The following LRRFIP1 variants were observed in gnomAD, a reference collection of about 807,000 sequenced individuals.
LRRFIP1 encodes the protein LRR binding FLII interacting protein 1.
Under a neutral mutation model 104.4 loss-of-function variants are expected in LRRFIP1, and 62 were observed. The ratio of observed to expected loss-of-function variants is 0.59; its 90% confidence interval spans 0.48 to 0.73. LRRFIP1 has a LOEUF of 0.73. Among genes scored for constraint, LRRFIP1 ranks in the 30% least tolerant of loss-of-function variants. The pLI, the probability that LRRFIP1 is intolerant of heterozygous loss-of-function variation, is 0.00. For missense variants in LRRFIP1, 796 were observed against 824.5 expected (o/e 0.97, Z 0.42); for synonymous variants, 300 against 299.0 (o/e 1.00, Z -0.03).
At chr2:237,764,440 T>C in intron 19 of LRRFIP1, 2 of 1,290,126 alleles carry the variant, frequency 1.6e-6, no homozygotes, top group Non-Finnish European at 2.0e-6. Flanking sequence ...AATAGAGGCA[T>C]TTACTATTTG....
rs1202162502 is a variant in LRRFIP1, at chr2:237,760,113, C to G, written c.1367C>G (p.Ser456Cys). ...GAAATAGCTACCAATGGAGAGACTT[C>G]CGACACCCTCAATAATGTTGGATAC... ...NSEIATNGET[S>C]DTLNNVGYQG... The change falls in exon 19 of 24, where the codon TCC becomes TGC. Residue 456 changes from serine to cysteine, a missense_variant. By Grantham distance (112) the Ser-to-Cys change is moderately radical. Coordinates refer to ENST00000308482, the MANE Select transcript of LRRFIP1 (RefSeq NM_001137550.2). 10 of 1,613,734 alleles carry G rather than the reference C, an allele frequency of 6.2e-6. No homozygotes were observed. The highest frequency in any genetic ancestry group is 1.6e-4 in the Middle Eastern group (1 of 6,078).
At chr2:237,778,002 C>CT (rs2061237206) in intron 23 of LRRFIP1, among the ~76,000 whole-genome samples, 1 of 152,148 alleles carries the variant, frequency 6.6e-6, no homozygotes, top group Non-Finnish European at 1.5e-5. Context: ...TGTATGTCCT[C>CT]TTTTTAAATT....
Position 237,729,901 on chromosome 2 carries a change from C to T in LRRFIP1, c.444+1966C>T, listed in dbSNP as rs75658520. The T allele has an allele frequency of 1.9e-3, 1,537 of 807,970 alleles. 16 individuals are homozygous for T. The African/African-American group carries it at 0.026, about 13-fold the overall frequency. 50.1% of individuals were successfully genotyped at this position (807,970 alleles called of 1,614,324 possible). A position where few individuals can be genotyped will look rare whatever the true frequency, so the allele number is the denominator to read the frequency against. ...CAGAAACCGCAGATTTTGTAGCATG[C>T]AATCTTGTGTGTGTGGATTCAGCTC... On this transcript the variant is annotated intron_variant, in intron 8 of 23. Coordinates refer to ENST00000308482, the MANE Select transcript of LRRFIP1 (RefSeq NM_001137550.2).
chr2:237,666,007 G>A (rs540287348), intron 1 of LRRFIP1, among the ~76,000 whole-genome samples: 14 of 152,330 alleles, frequency 9.2e-5, no homozygotes, highest in Admixed American at 6.5e-4. Flanking sequence ...CGTCCCCCTC[G>A]GTCCTGTTCA....
chr2:237,775,958 GATTTT>G (rs1286345592), intron 23 of LRRFIP1, among the ~76,000 whole-genome samples: 1 of 151,218 alleles, frequency 6.6e-6, no homozygotes, highest in Admixed American at 6.6e-5. Context: ...TATTTTATTT[GATTTT>G]ATTTTATTTA....
At chr2:237,744,655 G>A (rs1397068637) in intron 11 of LRRFIP1, among the ~76,000 whole-genome samples, 2 of 152,244 alleles carry the variant, frequency 1.3e-5, no homozygotes, top group African/African-American at 4.8e-5. Context: ...ACTGTTTCCA[G>A]TAGATTTTCA....
intron 1 of LRRFIP1, among the ~76,000 whole-genome samples, chr2:237,631,649 A>G (rs10177975): frequency 0.043 from 6,525 of 152,220 alleles, 478 homozygotes; most frequent in African/African-American, 0.14. Context: ...CTCCTACCGC[A>G]TTTCACATTC....
intron 1 of LRRFIP1, among the ~76,000 whole-genome samples, chr2:237,680,377 C>T (rs556723900): frequency 6.6e-6 from 1 of 152,314 alleles, no homozygotes; most frequent in Non-Finnish European, 1.5e-5. Flanking sequence ...TGCCTCTGTA[C>T]TGAACATGTA....
rs988492973 is a variant in LRRFIP1 at position 237,766,628 on chromosome 2, T to G, written c.1460-3315T>G. Among the ~76,000 whole-genome samples, 10 of 152,112 alleles carry G rather than the reference T, an allele frequency of 6.6e-5. No individual in the cohort carries two copies. Among genetic ancestry groups the G allele is most frequent in the African/African-American group, 2.2e-4 (9 of 41,420 alleles). On this transcript the variant is annotated intron_variant, in intron 19 of 23. Transcript: ENST00000308482. The surrounding 1 kb of genome is among the most constrained non-coding windows in gnomAD (Gnocchi z 4.8). Reference sequence around the variant, plus strand: ...CTCATTTGCTTAATTAATAGACAGGTTTGATCACTTTGTACATGGAAGGCA... The same window carrying G: ...CTCATTTGCTTAATTAATAGACAGGGTTGATCACTTTGTACATGGAAGGCA...
chr2:237,765,909 T>C, intron 19 of LRRFIP1: 1 of 985,162 alleles, frequency 1.0e-6, no homozygotes, highest in Non-Finnish European at 1.2e-6. Flanking sequence ...ATTTTATAAT[T>C]GTGCAAGCCT....
At chr2:237,772,715 ACT>A (rs769204205) in intron 21 of LRRFIP1, 149 bp from the exon 22 acceptor site, 2 of 624,552 alleles carry the variant, frequency 3.2e-6, no homozygotes, top group Non-Finnish European at 2.8e-6. Flanking sequence ...GCCTTCTCCT[ACT>A]CTCAGCTCTG....
rs57802960 is a variant in LRRFIP1 at position 237,703,160 on chromosome 2, G to T, written c.97-5384G>T. Among the ~76,000 whole-genome samples the T allele has an allele frequency of 0.042, 6,437 of 152,144 alleles. 452 individuals are homozygous for T. Among genetic ancestry groups the T allele is most frequent in the African/African-American group, 0.14 (5,874 of 41,478 alleles). ...AGGATCCAGCAAGCTCGGATGGGAG[G>T]GAAAGAATGACTCAACCTGCAGGCC... On this transcript the variant is annotated intron_variant, in intron 1 of 23. Coordinates refer to ENST00000308482, the MANE Select transcript of LRRFIP1 (RefSeq NM_001137550.2). The surrounding 1 kb of genome is among the most constrained non-coding windows in gnomAD (Gnocchi z 4.3).
chr2:237,712,758 G>T (rs566798599), intron 2 of LRRFIP1, among the ~76,000 whole-genome samples: 1 of 152,320 alleles, frequency 6.6e-6, no homozygotes, highest in African/African-American at 2.4e-5. Context: ...TTCGGGCCAT[G>T]CCTGGAGGAT....
rs2083380566 is a variant in LRRFIP1, at chr2:237,638,290, T to C, written c.96+10550T>C. Among the ~76,000 whole-genome samples, 3 of 152,298 alleles carry C rather than the reference T, an allele frequency of 2.0e-5. No individual in the cohort carries two copies. The South Asian group carries it at 6.2e-4, about 32-fold the overall frequency. On this transcript the variant is annotated intron_variant, in intron 1 of 23. Transcript: ENST00000308482. ...AGGAGCGCACAACCTAGATCCCTCA[T>C]ATGCGCAGTTCACAATAGGTTTCGC...
chr2:237,627,675 A>G lies in LRRFIP1; in HGVS notation c.31A>G (p.Lys11Glu). 1 of 1,366,654 alleles carries G rather than the reference A, an allele frequency of 7.3e-7. No individual in the cohort carries two copies. The highest frequency in any genetic ancestry group is 9.5e-7 in the Non-Finnish European group (1 of 1,047,448). 84.7% of individuals were successfully genotyped at this position (1,366,654 alleles called of 1,614,324 possible). Residue 11 changes from lysine (K) to glutamate (E), a missense_variant, in exon 1 of 24, where the codon AAG (lysine) becomes GAG (glutamate). Coordinates refer to ENST00000308482, the MANE Select transcript of LRRFIP1 (RefSeq NM_001137550.2). MDMGTQGSGR[K>E]RLPNRERLTA... ...CATGGGCACCCAGGGATCGGGGCGC[A>G]AGCGGCTCCCCAACCGGGAGCGGCT...
chr2:237,702,502 A>AGTC (rs1030082108), intron 1 of LRRFIP1, among the ~76,000 whole-genome samples: 1 of 152,132 alleles, frequency 6.6e-6, no homozygotes, highest in Admixed American at 6.5e-5. Context: ...ATCTTGTCAG[A>AGTC]GGAGCTCCTC....
chr2:237,729,905 C>A, intron 8 of LRRFIP1: 1 of 773,898 alleles, frequency 1.3e-6, no homozygotes, highest in Non-Finnish European at 1.6e-6. Flanking sequence ...AGCATGCAAT[C>A]TTGTGTGTGT....
rs533371630 is a variant in LRRFIP1, at chr2:237,701,790, G to A, written c.97-6754G>A. 2.8e-4 allele frequency among the ~76,000 whole-genome samples: 42 copies of A among 152,328 alleles called. No individual in the cohort carries two copies. The South Asian group carries it at 7.7e-3, about 28-fold the overall frequency. On this transcript the variant is annotated intron_variant, in intron 1 of 23. Transcript: ENST00000308482. Reference sequence around the variant, plus strand: ...AGCCCCTCAGGGCCCTCTGCATGCCGTGGGGTCCCTTTGCAAAGCACCTCC... The same window carrying A: ...AGCCCCTCAGGGCCCTCTGCATGCCATGGGGTCCCTTTGCAAAGCACCTCC...
intron 1 of LRRFIP1, among the ~76,000 whole-genome samples, chr2:237,700,464 G>C (rs543999137): frequency 2.6e-4 from 39 of 152,338 alleles, no homozygotes; most frequent in South Asian, 8.3e-4. Flanking sequence ...CTAGACTGGT[G>C]ATGTATCATG....
Sources: allele counts gnomAD v4.1 joint callset (sites outside exome capture counted in the v4.1 genomes callset), GRCh38; gene constraint gnomAD v4.1.1; non-coding constraint Gnocchi (gnomAD v3.1); transcripts MANE v1.5; gene names NCBI Gene and HGNC (gene_info 2026-07-23, HGNC 2026-07-21).